Variants in PRELID2 observed in about 807,000 individuals in gnomAD.
The protein encoded by PRELID2 is PRELI domain containing 2, also known as PRELI domain-containing protein 2.
In PRELID2, 25 loss-of-function variants were observed where a neutral mutation model predicts 28.4. The observed-to-expected ratio is 0.88, with a 90% confidence interval of 0.64 to 1.23. PRELID2 has a LOEUF of 1.23. PRELID2 is among the 50% of genes most tolerant of loss of function. PRELID2 has a pLI of 0.00. For missense variants in PRELID2, 201 were observed against 214.4 expected (o/e 0.94, Z 0.39); for synonymous variants, 76 against 71.6 (o/e 1.06, Z -0.31).
At chr5:145,525,503 C>G (rs1188372766) in intron 1 of PRELID2, among the ~76,000 whole-genome samples, 1 of 152,140 alleles carries the variant, frequency 6.6e-6, no homozygotes, top group Admixed American at 6.6e-5. Context: ...TTCGCCTCTA[C>G]AGATGCAACA....
At chr5:145,442,181 C>A in the PRELID2 span, among the ~76,000 whole-genome samples, 2 of 152,046 alleles carry the variant, frequency 1.3e-5, no homozygotes, top group Admixed American at 1.3e-4. Context: ...TTATACAATC[C>A]TGAACTTTCA....
At chr5:145,749,219 C>T (rs919135643) in intron 1 of PRELID2, among the ~76,000 whole-genome samples, 3 of 152,048 alleles carry the variant, frequency 2.0e-5, no homozygotes, top group Admixed American at 1.3e-4. Context: ...GAAATCTACC[C>T]ATCTGACAAA....
At chr5:145,580,636 A>T (rs1753100352) in intron 1 of PRELID2, among the ~76,000 whole-genome samples, 1 of 152,022 alleles carries the variant, frequency 6.6e-6, no homozygotes, top group Non-Finnish European at 1.5e-5. Flanking sequence ...GAAAACAGCT[A>T]AGCCTTATGT....
chr5:145,511,780 A>G (rs1258408181), intron 1 of PRELID2, among the ~76,000 whole-genome samples: 1 of 152,198 alleles, frequency 6.6e-6, no homozygotes, highest in Non-Finnish European at 1.5e-5. Context: ...ACCACCTGGT[A>G]ACAACTCAAT....
chr5:145,467,278 T>A (rs988985493), downstream of PRELID2, among the ~76,000 whole-genome samples: 26 of 152,256 alleles, frequency 1.7e-4, no homozygotes, highest in African/African-American at 6.3e-4. Context: ...GAAGCCTCCA[T>A]CTGCATCATG....
At chr5:145,466,854 G>A (rs1303277400), downstream of PRELID2, among the ~76,000 whole-genome samples, 2 of 151,972 alleles carry the variant, frequency 1.3e-5, no homozygotes, top group African/African-American at 4.8e-5. Context: ...CCTAGAACAA[G>A]CATTTATGCC....
chr5:145,522,433 AAGAGAGAC>A (rs1020235699), intron 1 of PRELID2, among the ~76,000 whole-genome samples: 23 of 151,998 alleles, frequency 1.5e-4, no homozygotes, highest in African/African-American at 3.4e-4. Context: ...GAGAGAGAGA[AAGAGAGAC>A]AGAGAGACAG....
At chr5:145,769,320 A>G (rs147599684) in intron 5 of PRELID2, among the ~76,000 whole-genome samples, 97 of 152,302 alleles carry the variant, frequency 6.4e-4, no homozygotes, top group African/African-American at 2.3e-3. Flanking sequence ...CCCTAATACC[A>G]GAGCTGTGCT....
intron 1 of PRELID2, among the ~76,000 whole-genome samples, chr5:145,742,247 A>G (rs1756846629): frequency 1.4e-5 from 2 of 141,362 alleles, no homozygotes; most frequent in Non-Finnish European, 3.1e-5. Context: ...ATATTTTTAT[A>G]TAAATAAAAT....
chr5:145,360,574 C>A, the PRELID2 span, among the ~76,000 whole-genome samples: 1 of 152,082 alleles, frequency 6.6e-6, no homozygotes, highest in Non-Finnish European at 1.5e-5. Flanking sequence ...TATTCAGTGT[C>A]CATTCTATAA....
In PRELID2 at chr5:145,542,993, T is replaced by C. The variant is rs1046406340; in HGVS notation, n.71-69678A>G. 6.7e-4 allele frequency among the ~76,000 whole-genome samples: 102 copies of C among 152,198 alleles called. 1 individual carries two copies. Among genetic ancestry groups the C allele is most frequent in the African/African-American group, 2.4e-3 (98 of 41,550 alleles). The stretch of plus-strand genomic sequence containing the variant: ...TCCAGTTCTTACCAAGCAAGCTGTG[T>C]ACAAGCTGTTAGCTTTTTCTTCCTG... On this transcript the variant is annotated intron_variant and non_coding_transcript_variant, in intron 1 of 2. Transcript: ENST00000510259.
chr5:145,726,902 A>G (rs1251617600), intron 1 of PRELID2, among the ~76,000 whole-genome samples: 1 of 152,202 alleles, frequency 6.6e-6, no homozygotes, highest in Non-Finnish European at 1.5e-5. Context: ...AGTAAATTAT[A>G]ACATTTCATT....
At chr5:145,550,812 C>T (rs920021040) in intron 1 of PRELID2, among the ~76,000 whole-genome samples, 8 of 152,014 alleles carry the variant, frequency 5.3e-5, no homozygotes, top group Admixed American at 4.6e-4. Flanking sequence ...TAAATCCCAG[C>T]ACAAAAGAAA....
intron 1 of PRELID2, among the ~76,000 whole-genome samples, chr5:145,613,194 G>T (rs190533070): frequency 6.6e-6 from 1 of 151,890 alleles, no homozygotes; most frequent in Non-Finnish European, 1.5e-5. Flanking sequence ...AGGTAGTATC[G>T]CATTGTGGTT....
the PRELID2 span, among the ~76,000 whole-genome samples, chr5:145,351,016 T>C: frequency 6.7e-6 from 1 of 148,152 alleles, no homozygotes; most frequent in South Asian, 2.1e-4. Context: ...ATTTGGGATA[T>C]TTAGGTAATT....
the PRELID2 span, among the ~76,000 whole-genome samples, chr5:145,279,021 G>A: frequency 2.6e-5 from 4 of 152,042 alleles, no homozygotes; most frequent in South Asian, 2.1e-4. Flanking sequence ...AACAGGAGCC[G>A]GCTATTCAAA....
the PRELID2 span, among the ~76,000 whole-genome samples, chr5:145,408,694 CA>C: frequency 1.3e-5 from 2 of 151,778 alleles, no homozygotes; most frequent in Non-Finnish European, 2.9e-5. Context: ...TAAAAATGAA[CA>C]AAGCCTTCAA....
downstream of PRELID2, among the ~76,000 whole-genome samples, chr5:145,470,720 C>T (rs1752046750): frequency 6.6e-6 from 1 of 152,106 alleles, no homozygotes; most frequent in Admixed American, 6.6e-5. Context: ...ATTTCTCTTG[C>T]TTTACAGATA....
At chr5:145,546,022 T>C (rs984192437) in intron 1 of PRELID2, among the ~76,000 whole-genome samples, 3 of 152,086 alleles carry the variant, frequency 2.0e-5, no homozygotes, top group African/African-American at 7.2e-5. Flanking sequence ...ATTAGAACAG[T>C]GTTTCTCAAA....
Sources: gnomAD v4.1 joint callset for allele counts (sites outside exome capture counted in the v4.1 genomes callset) on GRCh38, gnomAD v4.1.1 for gene constraint, MANE v1.5 for transcripts, NCBI Gene and HGNC (gene_info 2026-07-23, HGNC 2026-07-21) for gene names.